Variants in ZMAT4 observed in about 807,000 individuals in gnomAD.
The protein encoded by ZMAT4 is zinc finger matrin-type 4.
ZMAT4 carries 17 observed loss-of-function variants against 28.7 expected under a neutral mutation model. The ratio of observed to expected loss-of-function variants is 0.59; its 90% confidence interval spans 0.41 to 0.89. The LOEUF (loss-of-function observed/expected upper bound fraction) is 0.89. Among genes scored for constraint, ZMAT4 ranks in the 40% least tolerant of loss-of-function variants. The pLI is 0.00. For synonymous variants in ZMAT4, 117 were observed against 109.2 expected (o/e 1.07, Z -0.44); for missense variants, 240 against 283.8 (o/e 0.85, Z 1.11).
chr8:40,691,404 C>CA (rs10581532), intron 4 of ZMAT4, among the ~76,000 whole-genome samples: 3,758 of 137,714 alleles, frequency 0.027, 59 homozygotes, highest in South Asian at 0.044. Flanking sequence ...AAATAGACTG[C>CA]AAAAAAAAAA....
At chr8:40,630,979 A>AG (rs1554529584) in intron 5 of ZMAT4, among the ~76,000 whole-genome samples, 2 of 151,072 alleles carry the variant, frequency 1.3e-5, no homozygotes, top group Non-Finnish European at 2.9e-5. Flanking sequence ...AGAAATGCAC[A>AG]TTTTTTTTTC....
chr8:40,540,065 G>A (rs1396233920), intron 6 of ZMAT4, among the ~76,000 whole-genome samples: 1 of 152,200 alleles, frequency 6.6e-6, no homozygotes, highest in East Asian at 1.9e-4. Context: ...TAAAACTCTG[G>A]ACACCAAAGC....
chr8:40,672,676 C>T (rs921183057), intron 5 of ZMAT4, among the ~76,000 whole-genome samples: 2 of 152,194 alleles, frequency 1.3e-5, no homozygotes, highest in Non-Finnish European at 2.9e-5. Flanking sequence ...AATTTTTCTT[C>T]AAGTCATAAT....
chr8:40,569,124 A>G (rs1272386227), intron 6 of ZMAT4, among the ~76,000 whole-genome samples: 1 of 152,070 alleles, frequency 6.6e-6, no homozygotes, highest in East Asian at 1.9e-4. Flanking sequence ...TCACACCACC[A>G]CTCCAGCTAC....
intron 6 of ZMAT4, among the ~76,000 whole-genome samples, chr8:40,537,530 A>G (rs1353603751): frequency 1.3e-5 from 2 of 152,182 alleles, no homozygotes; most frequent in Non-Finnish European, 2.9e-5. Flanking sequence ...TAATTGACTT[A>G]CCAAAACACC....
At chr8:40,546,406 C>T (rs189656556) in intron 6 of ZMAT4, among the ~76,000 whole-genome samples, 19 of 151,952 alleles carry the variant, frequency 1.3e-4, no homozygotes, top group Admixed American at 7.2e-4. Context: ...GAGTGGGATT[C>T]GAGGTGTTAG....
At position 40,612,363 on chromosome 8, in the gene ZMAT4, C is replaced by G. The variant is rs181926966; in HGVS notation, c.578-31102G>C. On this transcript the variant is annotated intron_variant, in intron 5 of 6. Coordinates refer to ENST00000297737, the MANE Select transcript of ZMAT4 (RefSeq NM_024645.3). ...AAATGCAGGTTCTATGCCATATAAG[C>G]TACTAGTGACAACCACAGAAAATTT... 2.1e-3 allele frequency among the ~76,000 whole-genome samples: 294 copies of G among 137,828 alleles called. 25 individuals are homozygous for G. The highest frequency in any genetic ancestry group is 6.8e-3 in the African/African-American group (274 of 40,216). 90.4% of individuals were successfully genotyped at this position (137,828 alleles called of 152,430 possible).
chr8:40,537,042 C>G (rs983075277), intron 6 of ZMAT4, among the ~76,000 whole-genome samples: 75 of 152,038 alleles, frequency 4.9e-4, no homozygotes, highest in African/African-American at 1.7e-3. Context: ...GTCATCTAGA[C>G]AAATAAAATA....
intron 1 of ZMAT4, among the ~76,000 whole-genome samples, chr8:40,849,040 G>A (rs1346383721): frequency 6.6e-6 from 1 of 152,244 alleles, no homozygotes; most frequent in Non-Finnish European, 1.5e-5. Context: ...ACAAGCTGCT[G>A]TCAGGCTGGA....
intron 5 of ZMAT4, among the ~76,000 whole-genome samples, chr8:40,643,124 T>C (rs906446770): frequency 6.6e-6 from 1 of 152,180 alleles, no homozygotes; most frequent in South Asian, 2.1e-4. Flanking sequence ...CATTTCTCCA[T>C]GGCTGCCTTC....
Position 40,531,367 on chromosome 8 carries a change from A to T in ZMAT4, c.*856T>A, listed in dbSNP as rs1802689497. ...CCAAACGATCAGTATCCCCCAATTA[A>T]AGCCCACAGTTCAGGCCAAACATCA... On this transcript the variant is annotated 3_prime_UTR_variant, in exon 7 of 7. Coordinates refer to ENST00000297737, the MANE Select transcript of ZMAT4 (RefSeq NM_024645.3). 1 of 151,704 alleles carries T rather than the reference A, an allele frequency of 6.6e-6. No individual in the cohort carries two copies. The highest frequency in any genetic ancestry group is 2.4e-5 in the African/African-American group (1 of 41,372). 9.4% of individuals were successfully genotyped at this position (151,704 alleles called of 1,614,324 possible). A position where few individuals can be genotyped will look rare whatever the true frequency, so the allele number is the denominator to read the frequency against.
intron 1 of ZMAT4, among the ~76,000 whole-genome samples, chr8:40,863,589 T>C (rs1426207281): frequency 1.3e-5 from 2 of 152,152 alleles, no homozygotes; most frequent in African/African-American, 4.8e-5. Context: ...CCAGCTAAGT[T>C]GAAAGTTCCT....
chr8:40,601,650 A>G (rs1585741946), intron 5 of ZMAT4, among the ~76,000 whole-genome samples: 2 of 39,658 alleles, frequency 5.0e-5, no homozygotes, highest in South Asian at 8.4e-4. Flanking sequence ...GAAAGAAAGA[A>G]AGAAAGAAAG....
intron 6 of ZMAT4, among the ~76,000 whole-genome samples, chr8:40,577,963 A>G (rs1172302566): frequency 6.6e-6 from 1 of 152,086 alleles, no homozygotes; most frequent in Non-Finnish European, 1.5e-5. Context: ...AAACGCTGGT[A>G]TATACCATGA....
chr8:40,802,855 T>C (rs1193827929), intron 2 of ZMAT4, among the ~76,000 whole-genome samples: 1 of 152,212 alleles, frequency 6.6e-6, no homozygotes, highest in East Asian at 1.9e-4. Flanking sequence ...GACAGTTTGG[T>C]ATTGGTGAAA....
chr8:40,717,610 G>A (rs1810912035), intron 3 of ZMAT4, among the ~76,000 whole-genome samples: 1 of 152,084 alleles, frequency 6.6e-6, no homozygotes, highest in African/African-American at 2.4e-5. Flanking sequence ...GCTGTGAGCT[G>A]TAATTATACC....
At chr8:40,754,566 G>A (rs1042019407) in intron 3 of ZMAT4, among the ~76,000 whole-genome samples, 8 of 152,044 alleles carry the variant, frequency 5.3e-5, no homozygotes, top group African/African-American at 1.7e-4. Flanking sequence ...ATTATTATTT[G>A]TGTATTTGTA....
intron 1 of ZMAT4, among the ~76,000 whole-genome samples, chr8:40,881,490 A>AGAAAGAAAGAAG (rs1563263541): frequency 2.1e-5 from 3 of 141,494 alleles, no homozygotes; most frequent in African/African-American, 7.9e-5. Context: ...AAAGAAAGAA[A>AGAAAGAAAGAAG]GAAAGAAAGA....
chr8:40,581,203 C>T lies in ZMAT4; in HGVS notation c.636G>A (p.Gln212=), dbSNP rs200055588. 1.2e-5 allele frequency: 20 copies of T among 1,613,460 alleles called. No individual in the cohort carries two copies. The highest frequency in any genetic ancestry group is 1.7e-5 in the Non-Finnish European group (20 of 1,179,550). ...ICSVSLNSIE[Q]YHAHLKGSKH... is the part of the protein sequence containing the mutation. ...TAGATCCTTTCAGATGGGCATGATA[C>T]TGTTCTATTGAGTTTAGGGAGACAC... The change falls in exon 6 of 7, where the codon CAG becomes CAA. Residue 212 remains glutamine (Q), a synonymous_variant. Transcript: ENST00000297737.
Sources: gnomAD v4.1 joint callset for allele counts (sites outside exome capture counted in the v4.1 genomes callset) on GRCh38, gnomAD v4.1.1 for gene constraint, MANE v1.5 for transcripts, NCBI Gene and HGNC (gene_info 2026-07-23, HGNC 2026-07-21) for gene names.